Variants in MTMR6 observed in about 807,000 individuals in gnomAD.
MTMR6 encodes phosphatidylinositol-3,5-bisphosphate 3-phosphatase MTMR6.
In MTMR6, 47 loss-of-function variants were observed where a neutral mutation model predicts 80.1. That is an observed-to-expected ratio of 0.59 (90% CI 0.46 to 0.75). The LOEUF is 0.75. Among genes scored for constraint, MTMR6 ranks in the 30% least tolerant of loss-of-function variants. The pLI is 0.00. For missense variants in MTMR6, 629 were observed against 730.9 expected (o/e 0.86, Z 1.61); for synonymous variants, 254 against 253.0 (o/e 1.00, Z -0.04).
At chr13:25,270,311 C>T (rs1306803874) in intron 2 of MTMR6, among the ~76,000 whole-genome samples, 8 of 152,162 alleles carry the variant, frequency 5.3e-5, no homozygotes, top group East Asian at 1.9e-4. Flanking sequence ...AAGGTTGATA[C>T]GGCCCCTTCT....
Position 25,251,691 on chromosome 13 carries a change from C to T in MTMR6, c.1563G>A (p.Glu521=). The T allele has an allele frequency of 1.9e-6, 3 of 1,550,474 alleles. No individual in the cohort carries two copies. The highest frequency in any genetic ancestry group is 2.7e-6 in the Non-Finnish European group (3 of 1,128,622). ...SVFNIIMNMN[E]QNKQLEKDIK... ...TATCTTTCTCTAATTGTTTATTTTG[C>T]TCATTCATATTCATAATTATATTAA... The change falls in exon 13 of 14, where the codon GAG becomes GAA. Residue 521 remains glutamate (E), a synonymous_variant. Coordinates refer to ENST00000381801, the MANE Select transcript of MTMR6 (RefSeq NM_004685.5). The surrounding 1 kb of genome is among the most constrained non-coding windows in gnomAD (Gnocchi z 4.1).
At chr13:25,273,567 C>A (rs1192017152) in intron 2 of MTMR6, among the ~76,000 whole-genome samples, 2 of 149,404 alleles carry the variant, frequency 1.3e-5, no homozygotes, top group Non-Finnish European at 3.0e-5. Flanking sequence ...ACACTGTCAC[C>A]CAGGCTGGAG....
chr13:25,284,156 G>C (rs1229863757), intron 1 of MTMR6, among the ~76,000 whole-genome samples: 4 of 152,116 alleles, frequency 2.6e-5, no homozygotes, highest in African/African-American at 9.7e-5. Context: ...TGGGGGGGAA[G>C]CTCTTAGAAT....
Position 25,287,376 on chromosome 13 carries a change from G to T in MTMR6, c.-129C>A. On this transcript the variant is annotated 5_prime_UTR_variant, in exon 1 of 14. Transcript: ENST00000381801. Reference sequence around the variant, plus strand: ...GCCAGCGCCGCGGGTCTGTCTGCCGGCCCCGGTGGCGTCAACGGCGCAGGT... The same window carrying T: ...GCCAGCGCCGCGGGTCTGTCTGCCGTCCCCGGTGGCGTCAACGGCGCAGGT... The T allele has an allele frequency of 7.8e-7, 1 of 1,274,414 alleles. No individual in the cohort carries two copies. Among genetic ancestry groups the T allele is most frequent in the Non-Finnish European group, 1.1e-6 (1 of 910,846 alleles). The allele number at this position is 1,274,414 out of a possible 1,614,324, so 78.9% of individuals were successfully genotyped here. A position where few individuals can be genotyped will look rare whatever the true frequency, so the allele number is the denominator to read the frequency against.
At chr13:25,287,190 GC>G in intron 1 of MTMR6, 33 bp downstream of exon 1, 2 of 1,587,052 alleles carry the variant, frequency 1.3e-6, no homozygotes, top group Non-Finnish European at 8.5e-7. Flanking sequence ...TCAGAGCAGG[GC>G]CCCTGAAGAC....
At chr13:25,275,732 G>T (rs1312313547) in intron 1 of MTMR6, among the ~76,000 whole-genome samples, 1 of 150,364 alleles carries the variant, frequency 6.7e-6, no homozygotes, top group African/African-American at 2.5e-5. Context: ...GTAGTGGCGG[G>T]CGCCTATAAT....
At chr13:25,256,687 T>C (rs1227671120) in intron 9 of MTMR6, among the ~76,000 whole-genome samples, 2 of 152,216 alleles carry the variant, frequency 1.3e-5, no homozygotes, top group South Asian at 2.1e-4. Context: ...TCTATTCAAC[T>C]AGAAATTTTA....
At chr13:25,262,028 G>A (rs1380248348) in intron 5 of MTMR6, among the ~76,000 whole-genome samples, 1 of 152,134 alleles carries the variant, frequency 6.6e-6, no homozygotes, top group Non-Finnish European at 1.5e-5. Context: ...TATCTAGTTT[G>A]ATGAAGAAAC....
chr13:25,285,852 G>C (rs1406335028), intron 1 of MTMR6, among the ~76,000 whole-genome samples: 1 of 152,058 alleles, frequency 6.6e-6, no homozygotes, highest in African/African-American at 2.4e-5. Flanking sequence ...GTTTTCGATT[G>C]TGTGCTATGC....
intron 11 of MTMR6, 49 bp downstream of exon 11, chr13:25,253,715 C>T (rs370282299): frequency 4.1e-5 from 61 of 1,501,554 alleles, no homozygotes; most frequent in Non-Finnish European, 3.2e-5. Flanking sequence ...TTTGTTAGAC[C>T]TCGGCTAAGT....
In MTMR6 at chr13:25,259,115, T is replaced by A. The variant is rs547188020; in HGVS notation, c.727-423A>T. On this transcript the variant is annotated intron_variant, in intron 6 of 13. Transcript: ENST00000381801. ...CTTCAGAACAAGCCTAGGGCATTGA[T>A]CATTCTGAGAGCCATAGGGACCTGA... is the stretch of plus-strand genomic sequence containing the variant. Among the ~76,000 whole-genome samples the A allele has an allele frequency of 5.9e-5, 9 of 152,336 alleles. No individual in the cohort carries two copies. The South Asian group carries it at 1.9e-3, about 32-fold the overall frequency.
At position 25,264,458 on chromosome 13, in the gene MTMR6, T is replaced by G. The variant is rs575361103; in HGVS notation, c.591+1361A>C. 5.7e-4 allele frequency among the ~76,000 whole-genome samples: 87 copies of G among 152,004 alleles called. 1 individual carries two copies. The highest frequency in any genetic ancestry group is 1.8e-3 in the African/African-American group (76 of 41,498). ...GATGAGATTTAAAAGGACATTACTGTGAAATTTCAGAACAAGCAGGGCGCA... is the reference window on the plus strand; with the variant it reads ...GATGAGATTTAAAAGGACATTACTGGGAAATTTCAGAACAAGCAGGGCGCA... On this transcript the variant is annotated intron_variant, in intron 5 of 13. Transcript: ENST00000381801.
At chr13:25,270,279 T>C (rs2137584998) in intron 2 of MTMR6, among the ~76,000 whole-genome samples, 1 of 152,310 alleles carries the variant, frequency 6.6e-6, no homozygotes, top group East Asian at 1.9e-4. Flanking sequence ...CATAATCAAC[T>C]GTAAAGTGAG....
At chr13:25,253,186 T>C (rs1593141728) in intron 11 of MTMR6, among the ~76,000 whole-genome samples, 1 of 152,262 alleles carries the variant, frequency 6.6e-6, no homozygotes, top group Non-Finnish European at 1.5e-5. Context: ...GTCTCAGGGC[T>C]TTTCTGAGAC....
At chr13:25,284,082 GATCCTAAATATTATTT>G (rs1382541476) in intron 1 of MTMR6, among the ~76,000 whole-genome samples, 3 of 152,112 alleles carry the variant, frequency 2.0e-5, no homozygotes, top group African/African-American at 7.2e-5. Flanking sequence ...AAGCAATAAT[GATCCTAAATATTATTT>G]AAAAACAATA....
chr13:25,256,291 A>G (rs1957206332), intron 9 of MTMR6, among the ~76,000 whole-genome samples: 1 of 152,204 alleles, frequency 6.6e-6, no homozygotes, highest in South Asian at 2.1e-4. Context: ...ATGTCTAACA[A>G]ATAATTAAAG....
chr13:25,279,741 T>G (rs1333885688), intron 1 of MTMR6, among the ~76,000 whole-genome samples: 1 of 152,100 alleles, frequency 6.6e-6, no homozygotes, highest in Non-Finnish European at 1.5e-5. Flanking sequence ...AAAGCACAGA[T>G]CAGCAAAATG....
At chr13:25,262,929 G>A (rs945724117) in intron 5 of MTMR6, among the ~76,000 whole-genome samples, 1 of 152,150 alleles carries the variant, frequency 6.6e-6, no homozygotes, top group Non-Finnish European at 1.5e-5. Context: ...TACACATATG[G>A]CTGTGTCAAG....
intron 3 of MTMR6, 139 bp downstream of exon 3, chr13:25,267,640 T>G: frequency 1.3e-6 from 1 of 756,348 alleles, no homozygotes; most frequent in East Asian, 2.8e-5. Flanking sequence ...TTCAGGCCAA[T>G]ATGGGGGAGA....
Sources: gnomAD v4.1 joint callset for allele counts (sites outside exome capture counted in the v4.1 genomes callset) on GRCh38, gnomAD v4.1.1 for gene constraint, Gnocchi (gnomAD v3.1) non-coding constraint, MANE v1.5 for transcripts, NCBI Gene and HGNC (gene_info 2026-07-23, HGNC 2026-07-21) for gene names.